The following CCSER2 variants were observed in gnomAD, a reference collection of about 807,000 sequenced individuals.
CCSER2 encodes coiled-coil serine rich protein 2.
A neutral mutation model predicts 92.3 loss-of-function variants in CCSER2; 46 were observed. The ratio of observed to expected loss-of-function variants is 0.50; its 90% CI spans 0.39 to 0.64. CCSER2 has a LOEUF of 0.64. CCSER2 is among the 30% of genes least tolerant of loss of function. The pLI is 0.00. For missense variants in CCSER2, 1,244 were observed against 1,238.9 expected, an observed-to-expected ratio of 1.00 and a Z score of -0.06; for synonymous variants, 433 against 431.4, an observed-to-expected ratio of 1.00 and a Z score of -0.04.
chr10:84,501,788 G>T (rs1589826634), intron 9 of CCSER2, among the ~76,000 whole-genome samples: 1 of 57,004 alleles, frequency 1.8e-5, no homozygotes, highest in East Asian at 5.0e-4. Context: ...GAAAGTTTTG[G>T]TTCTCCAGAG....
At chr10:84,396,231 T>C (rs1016844909) in intron 3 of CCSER2, among the ~76,000 whole-genome samples, 1 of 150,618 alleles carries the variant, frequency 6.6e-6, no homozygotes, top group Non-Finnish European at 1.5e-5. Context: ...ATAAGGATTA[T>C]AGTATATATT....
At chr10:84,400,797 C>A (rs2133311963) in intron 3 of CCSER2, among the ~76,000 whole-genome samples, 1 of 152,190 alleles carries the variant, frequency 6.6e-6, no homozygotes, top group Middle Eastern at 3.4e-3. Flanking sequence ...ACCTGTAATT[C>A]AAGCTACTTG....
rs575602850 is a variant in CCSER2 at position 84,493,208 on chromosome 10, A to C, written c.2325+15544A>C. Among the ~76,000 whole-genome samples the C allele has an allele frequency of 3.3e-5, 5 of 152,280 alleles. No homozygotes were observed. In the East Asian group the frequency reaches 9.6e-4, roughly 29 times the overall value. On this transcript the variant is annotated intron_variant, in intron 9 of 9. Transcript: ENST00000372088. ...TTTTGATAGTTTGTGGTTTTGAGGA[A>C]TTGGCCCTTTTTCTCAGTTGTCAAA... is the stretch of plus-strand genomic sequence containing the variant.
intron 9 of CCSER2, among the ~76,000 whole-genome samples, chr10:84,495,391 T>C (rs1399069630): frequency 6.6e-6 from 1 of 152,206 alleles, no homozygotes; most frequent in Non-Finnish European, 1.5e-5. Flanking sequence ...TGGTCTGTCT[T>C]GGTAAATGTT....
chr10:84,479,024 A>C (rs1847310329), intron 9 of CCSER2, among the ~76,000 whole-genome samples: 1 of 152,170 alleles, frequency 6.6e-6, no homozygotes, highest in East Asian at 1.9e-4. Context: ...GTTATGCCTT[A>C]TAATTGTACT....
chr10:84,466,171 G>C (rs114134660), intron 7 of CCSER2, among the ~76,000 whole-genome samples: 2,272 of 152,142 alleles, frequency 0.015, 57 homozygotes, highest in African/African-American at 0.052. Context: ...CAGTATTCTG[G>C]TCTCTTTTGC....
intron 1 of CCSER2, among the ~76,000 whole-genome samples, chr10:84,365,764 G>T (rs764922880): frequency 7.2e-5 from 11 of 152,144 alleles, no homozygotes; most frequent in African/African-American, 1.7e-4. Flanking sequence ...AGAAAGGAAA[G>T]AATATAATTT....
intron 9 of CCSER2, among the ~76,000 whole-genome samples, chr10:84,491,623 C>T (rs1294930107): frequency 2.0e-5 from 3 of 152,126 alleles, no homozygotes; most frequent in African/African-American, 7.2e-5. Flanking sequence ...ACCTGATTTT[C>T]CAGGATCCGT....
At chr10:84,456,564 T>C (rs1051635913) in intron 6 of CCSER2, among the ~76,000 whole-genome samples, 2 of 152,224 alleles carry the variant, frequency 1.3e-5, no homozygotes, top group Non-Finnish European at 2.9e-5. Context: ...CAGATTTTCA[T>C]GTGAGCATGT....
At position 84,381,689 on chromosome 10, in the gene CCSER2, A is replaced by G. The variant is rs183896717; in HGVS notation, c.1614+7874A>G. Among the ~76,000 whole-genome samples the G allele has an allele frequency of 3.9e-5, 6 of 152,180 alleles. No individual in the cohort carries two copies. The East Asian group carries it at 1.2e-3, about 29-fold the overall frequency. Reference sequence around the variant, plus strand: ...ATGCCTGTAATCCCAGCACTTTGGGAGGCTGAGGCAGGTGGATCACCTGAG... The same window carrying G: ...ATGCCTGTAATCCCAGCACTTTGGGGGGCTGAGGCAGGTGGATCACCTGAG... On this transcript the variant is annotated intron_variant, in intron 3 of 9. Coordinates refer to ENST00000372088, the MANE Select transcript of CCSER2 (RefSeq NM_001284240.2).
chr10:84,385,808 C>T (rs186895331), intron 3 of CCSER2, among the ~76,000 whole-genome samples: 6 of 152,056 alleles, frequency 3.9e-5, no homozygotes, highest in Admixed American at 3.3e-4. Flanking sequence ...AGACAACCTA[C>T]AGAATGTGAG....
intron 5 of CCSER2, among the ~76,000 whole-genome samples, chr10:84,428,789 A>G (rs1843582645): frequency 6.6e-6 from 1 of 151,958 alleles, no homozygotes; most frequent in African/African-American, 2.4e-5. Context: ...CCATTCATGG[A>G]TAGTTGAGTG....
chr10:84,461,671 T>C (rs888676086), intron 6 of CCSER2, among the ~76,000 whole-genome samples: 6 of 152,000 alleles, frequency 3.9e-5, no homozygotes, highest in Admixed American at 2.6e-4. Flanking sequence ...GTTTTTTTTT[T>C]TTCCCCCTGA....
chr10:84,471,274 T>C (rs972858413), intron 8 of CCSER2, among the ~76,000 whole-genome samples: 6 of 151,930 alleles, frequency 3.9e-5, no homozygotes, highest in Non-Finnish European at 8.8e-5. Context: ...CAAAGAAAAT[T>C]TATGAAACTG....
intron 1 of CCSER2, among the ~76,000 whole-genome samples, chr10:84,367,237 G>T (rs1316280114): frequency 1.3e-5 from 2 of 150,730 alleles, no homozygotes; most frequent in Admixed American, 6.6e-5. Context: ...TTTATTTTAG[G>T]GATATTTTCT....
chr10:84,430,744 G>A (rs902019130), intron 5 of CCSER2, among the ~76,000 whole-genome samples: 2 of 152,200 alleles, frequency 1.3e-5, no homozygotes, highest in African/African-American at 4.8e-5. Flanking sequence ...CACAGAGCTT[G>A]CTGTTTCTTT....
rs201630477 is a variant in CCSER2, at chr10:84,362,829, TTTTAA to T, written c.-39-8180_-39-8176del. On this transcript the variant is annotated intron_variant, in intron 1 of 9. Coordinates refer to ENST00000372088, the MANE Select transcript of CCSER2 (RefSeq NM_001284240.2). ...TTAATTGGTATTTTATTTTATTTTATTTTAATTTATTTTATTTTATTTTTGAGATG... is the reference window on the plus strand; with the variant it reads ...TTAATTGGTATTTTATTTTATTTTATTTTATTTTATTTTATTTTTGAGATG... Among the ~76,000 whole-genome samples the T allele has an allele frequency of 2.2e-3, 329 of 151,706 alleles. 1 individual carries two copies. The highest frequency in any genetic ancestry group is 7.6e-3 in the African/African-American group (313 of 41,368).
intron 3 of CCSER2, among the ~76,000 whole-genome samples, chr10:84,401,868 GAC>G (rs1414151492): frequency 1.3e-5 from 2 of 152,190 alleles, no homozygotes; most frequent in African/African-American, 4.8e-5. Context: ...AGTCACCCTT[GAC>G]ACAGTTTCCA....
chr10:84,374,792 A>G (rs1846242115), intron 3 of CCSER2, among the ~76,000 whole-genome samples: 1 of 152,196 alleles, frequency 6.6e-6, no homozygotes, highest in Non-Finnish European at 1.5e-5. Flanking sequence ...ATAAAATACG[A>G]TTTTCCAGTA....
Sources: allele counts gnomAD v4.1 joint callset (sites outside exome capture counted in the v4.1 genomes callset), GRCh38; gene constraint gnomAD v4.1.1; transcripts MANE v1.5; gene names NCBI Gene and HGNC (gene_info 2026-07-23, HGNC 2026-07-21).